The following EP400 variants were observed in gnomAD, a reference collection of about 807,000 sequenced individuals.
The protein encoded by EP400 is E1A binding protein p400.
Under a neutral mutation model 354.1 loss-of-function variants are expected in EP400, and 105 were observed. The observed-to-expected ratio is 0.30, with a 90% confidence interval of 0.25 to 0.35. The LOEUF (loss-of-function observed/expected upper bound fraction) is 0.35. Among genes scored for constraint, EP400 ranks in the 10% least tolerant of loss-of-function variants. The pLI, the probability that EP400 is intolerant of heterozygous loss-of-function variation, is 1.00. For synonymous variants in EP400, 1,646 were observed against 1,716.9 expected (o/e 0.96, Z 1.02); for missense variants, 3,280 against 4,121.0 (o/e 0.80, Z 5.59).
Position 132,008,262 on chromosome 12 carries a change from A to G in EP400, c.3304+1385A>G, listed in dbSNP as rs118006480. ...CGCACCCGGCCTGAGGGTTCTTCTT[A>G]ACAGTTCCCTTCTAAGCTGTTTGCA... On this transcript the variant is annotated intron_variant, in intron 15 of 52. Transcript: ENST00000389561. Among the ~76,000 whole-genome samples, 1,083 of 152,226 alleles carry G rather than the reference A, an allele frequency of 7.1e-3. 35 individuals carry two copies. In the South Asian group the frequency reaches 0.094, roughly 13 times the overall value.
At chr12:132,068,980 G>A (rs758848776) in intron 50 of EP400, 3 of 153,334 alleles carry the variant, frequency 2.0e-5, no homozygotes, top group African/African-American at 4.8e-5. Flanking sequence ...ATCCTTAGAT[G>A]TTAAAAACCC....
At position 132,030,249 on chromosome 12, in the gene EP400, C is replaced by T. The variant is rs1188800469; in HGVS notation, c.5754+91C>T. The T allele has an allele frequency of 3.5e-6, 5 of 1,424,066 alleles. No individual in the cohort carries two copies. The East Asian group carries it at 1.1e-4, about 33-fold the overall frequency. 88.2% of individuals were successfully genotyped at this position (1,424,066 alleles called of 1,614,324 possible). A position where few individuals can be genotyped will look rare whatever the true frequency, so the allele number is the denominator to read the frequency against. Reference sequence around the variant, plus strand: ...GTGTAAATTCAGTGGTCTCATGGCCCTTCTAAGTGAAAGGGGAGGGACTTA... The same window carrying T: ...GTGTAAATTCAGTGGTCTCATGGCCTTTCTAAGTGAAAGGGGAGGGACTTA... On this transcript the variant is annotated intron_variant, in intron 29 of 52. Coordinates refer to ENST00000389561, the MANE Select transcript of EP400 (RefSeq NM_015409.5).
At position 132,017,857 on chromosome 12, in the gene EP400, C is replaced by T. The variant is rs201247333; in HGVS notation, c.4110+136C>T. On this transcript the variant is annotated intron_variant, in intron 20 of 52. Coordinates refer to ENST00000389561, the MANE Select transcript of EP400 (RefSeq NM_015409.5). This position sits in a 1 kb window ranked among gnomAD's most constrained non-coding sequence, Gnocchi z 5.0. ...ATTGCAGCTCCGCGATACATGGCAC[C>T]GTCTAGCAGCACTGATGGCCTGCCA... The T allele has an allele frequency of 3.9e-6, 4 of 1,012,790 alleles. No individual in the cohort carries two copies. The highest frequency in any genetic ancestry group is 1.7e-5 in the African/African-American group (1 of 60,498). The allele number at this position is 1,012,790 out of a possible 1,614,324, so 62.7% of individuals were successfully genotyped here.
chr12:132,016,998 G>A (rs137958544), intron 19 of EP400, among the ~76,000 whole-genome samples: 1 of 152,328 alleles, frequency 6.6e-6, no homozygotes, highest in African/African-American at 2.4e-5. Flanking sequence ...TCACACCAGA[G>A]AGCTACTCCC....
At chr12:131,987,956 T>G in intron 7 of EP400, 66 bp downstream of exon 7, 2 of 1,353,284 alleles carry the variant, frequency 1.5e-6, no homozygotes, top group Non-Finnish European at 1.9e-6. Context: ...TGCAGTGGTG[T>G]AAGTGGTGGG....
At chr12:132,056,046 G>A (rs545654397) in intron 45 of EP400, among the ~76,000 whole-genome samples, 1 of 152,024 alleles carries the variant, frequency 6.6e-6, no homozygotes, top group African/African-American at 2.4e-5. Context: ...GGAAGCGGTA[G>A]GTGCAGCCCA....
chr12:132,013,153 T>C lies in EP400; in HGVS notation c.3586T>C (p.Trp1196Arg). 1 of 1,613,834 alleles carries C rather than the reference T, an allele frequency of 6.2e-7. No individual in the cohort carries two copies. The highest frequency in any genetic ancestry group is 8.5e-7 in the Non-Finnish European group (1 of 1,179,774). Residue 1196 changes from tryptophan (W) to arginine (R), a missense_variant, in exon 17 of 53, where the codon TGG (tryptophan) becomes CGG (arginine). This residue lies in a region of EP400 where 242 missense variants were observed against 357.9 expected (regional missense o/e 0.68). Transcript: ENST00000389561. This position sits in a 1 kb window ranked among gnomAD's most constrained non-coding sequence, Gnocchi z 4.5. Reference protein sequence around the residue: ...QRVKGMTERHWEAVFTLQSQQ... With the variant: ...QRVKGMTERHREAVFTLQSQQ... Reference sequence around the variant, plus strand: ...CGTGAAGGGCATGACCGAGAGGCACTGGGAAGCGGTTTTCACCCTGCAGAG... The same window carrying C: ...CGTGAAGGGCATGACCGAGAGGCACCGGGAAGCGGTTTTCACCCTGCAGAG...
intron 1 of EP400, among the ~76,000 whole-genome samples, chr12:131,956,964 T>C (rs1891723302): frequency 6.8e-6 from 1 of 147,182 alleles, no homozygotes; most frequent in African/African-American, 2.5e-5. Context: ...CTCCACCTCC[T>C]GGGTTCAAGC....
Position 132,050,883 on chromosome 12 carries a change from G to A in EP400, c.7394+228G>A. The A allele has an allele frequency of 1.7e-6, 1 of 592,750 alleles. No homozygotes were observed. The highest frequency in any genetic ancestry group is 2.0e-5 in the South Asian group (1 of 49,672). 36.7% of individuals were successfully genotyped at this position (592,750 alleles called of 1,614,324 possible). On this transcript the variant is annotated intron_variant, in intron 41 of 52. Coordinates refer to ENST00000389561, the MANE Select transcript of EP400 (RefSeq NM_015409.5). This position sits in a 1 kb window ranked among gnomAD's most constrained non-coding sequence, Gnocchi z 4.8. ...CTGTGTTACAGGGATTGTCCTTGCT[G>A]GCCCTCAGTGGGGAAAGACGCTGAC...
chr12:132,017,423 G>T lies in EP400; in HGVS notation c.3924-112G>T. On this transcript the variant is annotated intron_variant, in intron 19 of 52. Transcript: ENST00000389561. This position sits in a 1 kb window ranked among gnomAD's most constrained non-coding sequence, Gnocchi z 5.0. ...CTGTCTAACTCATTAAGCGGACCTA[G>T]AAAATCTGCTCCTGCCTGCCTTTCT... The T allele has an allele frequency of 2.5e-6, 3 of 1,198,908 alleles. No homozygotes were observed. The highest frequency in any genetic ancestry group is 3.5e-6 in the Non-Finnish European group (3 of 846,418). The allele number at this position is 1,198,908 out of a possible 1,614,324, so 74.3% of individuals were successfully genotyped here.
At chr12:132,055,729 G>T (rs954289617) in intron 45 of EP400, among the ~76,000 whole-genome samples, 1 of 149,222 alleles carries the variant, frequency 6.7e-6, no homozygotes, top group Non-Finnish European at 1.5e-5. Context: ...AAGTGTAGGG[G>T]TGTGTGTGTG....
intron 1 of EP400, among the ~76,000 whole-genome samples, chr12:131,954,682 G>A (rs973091021): frequency 2.3e-5 from 3 of 130,760 alleles, no homozygotes; most frequent in African/African-American, 5.6e-5. Flanking sequence ...CCGAAATCAC[G>A]CCAGTGCACT....
intron 12 of EP400, 135 bp downstream of exon 12, chr12:131,995,091 C>T: frequency 1.3e-6 from 1 of 773,590 alleles, no homozygotes; most frequent in Non-Finnish European, 2.1e-6. Context: ...TGTGTGCCTC[C>T]TGCTGCTCTC....
At chr12:131,991,572 T>A in intron 10 of EP400, 116 bp downstream of exon 10, 1 of 922,432 alleles carries the variant, frequency 1.1e-6, no homozygotes, top group Non-Finnish European at 1.7e-6. Flanking sequence ...ACTTCCTTTC[T>A]TTTCTTTTTT....
chr12:131,950,361 C>G (rs930659050), intron 1 of EP400, among the ~76,000 whole-genome samples: 1 of 152,116 alleles, frequency 6.6e-6, no homozygotes, highest in Non-Finnish European at 1.5e-5. Context: ...GTTGCGGGAA[C>G]CGGGGGACTC....
intron 30 of EP400, among the ~76,000 whole-genome samples, chr12:132,033,279 T>G (rs1438902497): frequency 2.0e-5 from 3 of 152,326 alleles, no homozygotes; most frequent in Middle Eastern, 3.4e-3. Flanking sequence ...AAACTATAAC[T>G]GTCAAAACAC....
intron 4 of EP400, 95 bp downstream of exon 4, chr12:131,981,691 G>A: frequency 1.8e-6 from 2 of 1,098,980 alleles, no homozygotes; most frequent in South Asian, 2.9e-5. Context: ...GGGCAGTGGA[G>A]GTAGCGTGTT....
In EP400 at chr12:132,050,268, C is replaced by T; in HGVS notation, c.7201-55C>T. The T allele has an allele frequency of 6.3e-7, 1 of 1,599,838 alleles. No homozygotes were observed. Among genetic ancestry groups the T allele is most frequent in the Non-Finnish European group, 8.5e-7 (1 of 1,170,852 alleles). On this transcript the variant is annotated intron_variant, in intron 39 of 52. Transcript: ENST00000389561. The surrounding 1 kb of genome is among the most constrained non-coding windows in gnomAD (Gnocchi z 4.8). ...CACCCAGTGAGCCCTGTGTCCCACGCAGCCGTCTGTCCATGCTGCCTAATT... is the reference window on the plus strand; with the variant it reads ...CACCCAGTGAGCCCTGTGTCCCACGTAGCCGTCTGTCCATGCTGCCTAATT...
chr12:132,021,971 T>C (rs1894136528), intron 23 of EP400, among the ~76,000 whole-genome samples: 1 of 152,268 alleles, frequency 6.6e-6, no homozygotes, highest in Non-Finnish European at 1.5e-5. Context: ...TATTATGTTA[T>C]TTCTCAAGTG....
Sources: allele counts gnomAD v4.1 joint callset (sites outside exome capture counted in the v4.1 genomes callset), GRCh38; gene constraint gnomAD v4.1.1; regional missense constraint gnomAD v4.1.1; non-coding constraint Gnocchi (gnomAD v3.1); transcripts MANE v1.5; gene names NCBI Gene and HGNC (gene_info 2026-07-23, HGNC 2026-07-21).